YES1: variants seen among roughly 807,000 people sequenced by gnomAD.
YES1 encodes the protein tyrosine-protein kinase Yes.
YES1 carries 39 observed loss-of-function variants against 70.4 expected under a neutral mutation model. The observed-to-expected ratio is 0.55, with a 90% CI of 0.43 to 0.72. The LOEUF (loss-of-function observed/expected upper bound fraction) is 0.72, where lower values mean the gene tolerates loss of function less well. YES1 is among the 30% of genes least tolerant of loss of function. YES1 has a pLI of 0.00. For synonymous variants in YES1, 198 were observed against 218.6 expected (o/e 0.91, Z 0.83); for missense variants, 495 against 644.8 (o/e 0.77, Z 2.52).
At chr18:724,733 T>TTAACAA in intron 11 of YES1, 101 bp from the exon 12 acceptor site, 3 of 850,294 alleles carry the variant, frequency 3.5e-6, no homozygotes, top group African/African-American at 1.7e-5. Context: ...GTATATTATT[T>TTAACAA]AGTGAAACAA....
upstream of YES1, chr18:812,270 T>A (rs953060049): frequency 6.6e-6 from 1 of 150,860 alleles, no homozygotes; most frequent in Non-Finnish European, 1.5e-5. Flanking sequence ...ACGCGTTACT[T>A]CAGGAGGAGG....
chr18:779,789 C>A (rs1039706986), intron 1 of YES1, among the ~76,000 whole-genome samples: 1 of 152,170 alleles, frequency 6.6e-6, no homozygotes, highest in African/African-American at 2.4e-5. Flanking sequence ...CAATTAGATA[C>A]CACTTTCAAG....
chr18:779,916 T>C (rs1377500587), intron 1 of YES1, among the ~76,000 whole-genome samples: 1 of 152,098 alleles, frequency 6.6e-6, no homozygotes, highest in Non-Finnish European at 1.5e-5. Flanking sequence ...TCCTTTTTTT[T>C]TTTTTTTCTT....
At chr18:748,044 C>T (rs370415158) in intron 3 of YES1, 26 bp from the exon 4 acceptor site, 27 of 1,601,484 alleles carry the variant, frequency 1.7e-5, no homozygotes, top group Middle Eastern at 1.7e-4. Flanking sequence ...CAGCAATCAC[C>T]GCAAGGTAGA....
At chr18:763,507 C>T (rs374692424) in intron 1 of YES1, among the ~76,000 whole-genome samples, 3 of 151,678 alleles carry the variant, frequency 2.0e-5, no homozygotes, top group African/African-American at 4.8e-5. Context: ...GCAGCCTGGG[C>T]GTCATGGCAG....
chr18:763,564 G>A (rs1243230852), intron 1 of YES1, among the ~76,000 whole-genome samples: 1 of 151,942 alleles, frequency 6.6e-6, no homozygotes, highest in Non-Finnish European at 1.5e-5. Context: ...GTTGTGGTGT[G>A]TGGTGGCACA....
At chr18:785,798 G>A (rs1905907118) in intron 1 of YES1, among the ~76,000 whole-genome samples, 1 of 151,746 alleles carries the variant, frequency 6.6e-6, no homozygotes, top group Admixed American at 6.6e-5. Context: ...AAAAAGCCAG[G>A]CGCTGTTGAG....
At chr18:791,560 G>A (rs1249370594) in intron 1 of YES1, among the ~76,000 whole-genome samples, 3 of 152,160 alleles carry the variant, frequency 2.0e-5, no homozygotes, top group Non-Finnish European at 4.4e-5. Context: ...GAACAGTACT[G>A]TCCAATAGAA....
In YES1 at chr18:723,354, T is replaced by G. The variant is rs1234445130; in HGVS notation, c.*1070A>C. 6.6e-6 allele frequency: 1 copy of G among 152,568 alleles called. No homozygotes were observed. The highest frequency in any genetic ancestry group is 1.5e-5 in the Non-Finnish European group (1 of 68,044). 9.5% of individuals were successfully genotyped at this position (152,568 alleles called of 1,614,324 possible). ...TTCTGTCACTCCATGACATCAACAT[T>G]AAACATTACCTTCCATCCCTCTAAC... On this transcript the variant is annotated 3_prime_UTR_variant, in exon 12 of 12. Coordinates refer to ENST00000314574, the MANE Select transcript of YES1 (RefSeq NM_005433.4).
At chr18:732,641 T>C (rs2080105911) in intron 11 of YES1, among the ~76,000 whole-genome samples, 193 bp downstream of exon 11, 2 of 152,006 alleles carry the variant, frequency 1.3e-5, no homozygotes, top group African/African-American at 4.8e-5. Context: ...GGATCGTGGC[T>C]TTCACTGACT....
intron 1 of YES1, among the ~76,000 whole-genome samples, chr18:811,368 C>T (rs1247561590): frequency 6.6e-6 from 1 of 152,206 alleles, no homozygotes; most frequent in African/African-American, 2.4e-5. Flanking sequence ...AAAGTCCCTA[C>T]ACCAGACTTG....
Position 745,827 on chromosome 18 carries a change from TC to T in YES1, c.604del (p.Asp202MetfsTer3). On this transcript the variant is annotated frameshift_variant, in exon 6 of 12. Transcript: ENST00000314574. LOFTEE classifies it high-confidence loss of function. ...TTTCACATTGTCACCCCTTATCTCATCCCAATCACGAATAGAAAGGGAATAA... is the reference window on the plus strand; with the variant it reads ...TTTCACATTGTCACCCCTTATCTCATCCAATCACGAATAGAAAGGGAATAA... ...GAYSLSIRDW[D>X]EIRGDNVKHY... is the part of the protein sequence containing the mutation. The T allele has an allele frequency of 6.2e-7, 1 of 1,612,738 alleles. No homozygotes were observed. The highest frequency in any genetic ancestry group is 8.5e-7 in the Non-Finnish European group (1 of 1,179,728).
intron 11 of YES1, among the ~76,000 whole-genome samples, chr18:730,328 C>T (rs1210898445): frequency 1.3e-5 from 2 of 150,638 alleles, no homozygotes; most frequent in African/African-American, 4.9e-5. Flanking sequence ...TAGAACTGAC[C>T]AAGGACCCAA....
chr18:749,312 G>A (rs2080316042), intron 3 of YES1, among the ~76,000 whole-genome samples: 1 of 151,708 alleles, frequency 6.6e-6, no homozygotes, highest in Non-Finnish European at 1.5e-5. Flanking sequence ...TGGCCAACAT[G>A]GTGAATGAAA....
At chr18:764,057 T>C (rs1162033394) in intron 1 of YES1, among the ~76,000 whole-genome samples, 2 of 149,478 alleles carry the variant, frequency 1.3e-5, no homozygotes, top group African/African-American at 4.9e-5. Flanking sequence ...GAGGCGGAGC[T>C]TGCAGTGAGC....
At chr18:760,288 G>A (rs373784871) in intron 1 of YES1, among the ~76,000 whole-genome samples, 72 of 152,192 alleles carry the variant, frequency 4.7e-4, no homozygotes, top group African/African-American at 1.7e-3. Flanking sequence ...TGGCCAACAT[G>A]GTGAAACCCT....
At chr18:744,339 G>C (rs116857644) in intron 6 of YES1, among the ~76,000 whole-genome samples, 3 of 151,364 alleles carry the variant, frequency 2.0e-5, no homozygotes, top group East Asian at 1.9e-4. Context: ...ATTTGTAAGA[G>C]GCATACCAAA....
At chr18:769,034 T>C (rs1023783284) in intron 1 of YES1, among the ~76,000 whole-genome samples, 23 of 151,328 alleles carry the variant, frequency 1.5e-4, no homozygotes, top group African/African-American at 5.3e-4. Context: ...ATACTTACCA[T>C]TGTGTTACAA....
chr18:748,083 T>G (rs968968892), intron 3 of YES1, 65 bp from the exon 4 acceptor site: 9 of 1,308,044 alleles, frequency 6.9e-6, no homozygotes, highest in Non-Finnish European at 8.8e-6. Context: ...TATATTGCAG[T>G]GCTATCTTGT....
Sources: allele counts gnomAD v4.1 joint callset (sites outside exome capture counted in the v4.1 genomes callset), GRCh38; gene constraint gnomAD v4.1.1; transcripts MANE v1.5; gene names NCBI Gene and HGNC (gene_info 2026-07-23, HGNC 2026-07-21).